The following GPATCH2L variants were observed in gnomAD, a reference collection of about 807,000 sequenced individuals.
GPATCH2L encodes the protein G patch domain-containing protein 2-like.
In GPATCH2L, 31 loss-of-function variants were observed where a neutral mutation model predicts 57.4. That is an observed-to-expected ratio of 0.54 (90% CI 0.41 to 0.73). The LOEUF (loss-of-function observed/expected upper bound fraction) is 0.73, where lower values mean the gene tolerates loss of function less well. GPATCH2L is among the 30% of genes least tolerant of loss of function. The pLI is 0.00. For missense variants in GPATCH2L, 481 were observed against 599.9 expected (o/e 0.80, Z 2.07); for synonymous variants, 199 against 210.7 (o/e 0.94, Z 0.48).
chr14:76,207,281 A>C lies in GPATCH2L; in HGVS notation c.*5430A>C, dbSNP rs1328073379. 1 of 152,136 alleles carries C rather than the reference A, an allele frequency of 6.6e-6. No individual in the cohort carries two copies. 9.4% of individuals were successfully genotyped at this position (152,136 alleles called of 1,614,324 possible). A position where few individuals can be genotyped will look rare whatever the true frequency, so the allele number is the denominator to read the frequency against. ...CAGTGAGCCATGATCTGGCCACTGCACTCCAGCCTGGGTGACAGAGCAAGA... is the reference window on the plus strand; with the variant it reads ...CAGTGAGCCATGATCTGGCCACTGCCCTCCAGCCTGGGTGACAGAGCAAGA... On this transcript the variant is annotated 3_prime_UTR_variant, in exon 10 of 10. Coordinates refer to ENST00000261530, the MANE Select transcript of GPATCH2L (RefSeq NM_017926.4).
intron 1 of GPATCH2L, among the ~76,000 whole-genome samples, chr14:76,220,909 C>A (rs974588288): frequency 1.1e-4 from 16 of 151,800 alleles, no homozygotes; most frequent in Non-Finnish European, 2.4e-4. Context: ...TAAATGACAT[C>A]AAAACTTGCA....
chr14:76,221,013 A>C (rs1286814645), intron 1 of GPATCH2L, among the ~76,000 whole-genome samples: 1 of 152,016 alleles, frequency 6.6e-6, no homozygotes, highest in Non-Finnish European at 1.5e-5. Context: ...AAAGACTAAT[A>C]ATATTGATAA....
In GPATCH2L at chr14:76,204,816, T is replaced by G. The variant is rs185822379; in HGVS notation, c.*2965T>G. ...TGTCTGAATCCTAGTTTAGTGTGTTTTCCACGATGGGCAGAAGTCAGAACA... is the reference window on the plus strand; with the variant it reads ...TGTCTGAATCCTAGTTTAGTGTGTTGTCCACGATGGGCAGAAGTCAGAACA... On this transcript the variant is annotated 3_prime_UTR_variant, in exon 10 of 10. Transcript: ENST00000261530. 1.1e-4 allele frequency: 17 copies of G among 152,354 alleles called. No individual in the cohort carries two copies. The highest frequency in any genetic ancestry group is 4.1e-4 in the African/African-American group (17 of 41,578). The allele number at this position is 152,354 out of a possible 1,614,324, so 9.4% of individuals were successfully genotyped here. A position where few individuals can be genotyped will look rare whatever the true frequency, so the allele number is the denominator to read the frequency against.
At position 76,188,547 on chromosome 14, in the gene GPATCH2L, G is replaced by A. The variant is rs186331958; in HGVS notation, c.1194-7331G>A. Reference sequence around the variant, plus strand: ...TATCTGTTCAAATCTTTTTTGATTGGATTATTAGATTTTTTTTCTACAGGG... The same window carrying A: ...TATCTGTTCAAATCTTTTTTGATTGAATTATTAGATTTTTTTTCTACAGGG... On this transcript the variant is annotated intron_variant, in intron 8 of 9. Transcript: ENST00000261530. Among the ~76,000 whole-genome samples, 218 of 88,234 alleles carry A rather than the reference G, an allele frequency of 2.5e-3. 6 individuals carry two copies. In the East Asian group the frequency reaches 0.063, roughly 26 times the overall value. 57.9% of individuals were successfully genotyped at this position (88,234 alleles called of 152,430 possible). A position where few individuals can be genotyped will look rare whatever the true frequency, so the allele number is the denominator to read the frequency against.
chr14:76,164,901 T>C (rs2038758786), intron 2 of GPATCH2L, among the ~76,000 whole-genome samples: 1 of 152,190 alleles, frequency 6.6e-6, no homozygotes, highest in Non-Finnish European at 1.5e-5. Flanking sequence ...CTGGCTTACC[T>C]AGGGTGCCTC....
intron 1 of GPATCH2L, among the ~76,000 whole-genome samples, chr14:76,229,410 A>G (rs931908814): frequency 6.6e-6 from 1 of 152,152 alleles, no homozygotes; most frequent in African/African-American, 2.4e-5. Context: ...AAACCCAATG[A>G]TTGTCTGAAC....
chr14:76,232,084 G>A (rs912388165), intron 2 of GPATCH2L, among the ~76,000 whole-genome samples: 3 of 11,378 alleles, frequency 2.6e-4, no homozygotes, highest in Admixed American at 3.7e-3. Context: ...GCTAATTTTT[G>A]TATTTTTTGT....
At chr14:76,214,711 G>A (rs1030939758), downstream of GPATCH2L, among the ~76,000 whole-genome samples, 1 of 152,142 alleles carries the variant, frequency 6.6e-6, no homozygotes, top group Non-Finnish European at 1.5e-5. Context: ...CCAACACTTT[G>A]GGGGTTAGGA....
chr14:76,231,974 C>CCTCACTGCAGCCTCACTGCAG (rs2040567536), intron 2 of GPATCH2L, among the ~76,000 whole-genome samples: 1 of 99,932 alleles, frequency 1.0e-5, no homozygotes, highest in Non-Finnish European at 2.2e-5. Context: ...CTCACTGCAG[C>CCTCACTGCAGCCTCACTGCAG]CTCACTGCAG....
Position 76,212,546 on chromosome 14 carries a change from G to A in GPATCH2L, c.*10695G>A, listed in dbSNP as rs1187548836. On this transcript the variant is annotated 3_prime_UTR_variant, in exon 10 of 10. Coordinates refer to ENST00000261530, the MANE Select transcript of GPATCH2L (RefSeq NM_017926.4). ...AGACACAGGAAGAAACAAATACAAT[G>A]TTAGTTGGATATTTTAATTCAATTC... 6.6e-6 allele frequency: 1 copy of A among 152,168 alleles called. No individual in the cohort carries two copies. The highest frequency in any genetic ancestry group is 6.5e-5 in the Admixed American group (1 of 15,270). The allele number at this position is 152,168 out of a possible 1,614,324, so 9.4% of individuals were successfully genotyped here. A position where few individuals can be genotyped will look rare whatever the true frequency, so the allele number is the denominator to read the frequency against.
chr14:76,224,811 G>A (rs1035074794), intron 1 of GPATCH2L, among the ~76,000 whole-genome samples: 10 of 152,112 alleles, frequency 6.6e-5, no homozygotes, highest in East Asian at 3.9e-4. Context: ...CTGGATTCAC[G>A]TTTACTCTAC....
chr14:76,217,216 G>T (rs572964211), downstream of GPATCH2L, among the ~76,000 whole-genome samples: 1 of 152,252 alleles, frequency 6.6e-6, no homozygotes, highest in Non-Finnish European at 1.5e-5. Context: ...GTTTTGTTTT[G>T]TTTTTTCTGC....
In GPATCH2L at chr14:76,171,837, C is replaced by T. The variant is rs2039100136; in HGVS notation, c.728-6C>T. The T allele has an allele frequency of 1.3e-6, 2 of 1,539,516 alleles. No homozygotes were observed. Among genetic ancestry groups the T allele is most frequent in the South Asian group, 1.2e-5 (1 of 80,776 alleles). ...TCTAGCTTATGATATGATGTCTTTA[C>T]TTTAGGTGATGACGAACAGAGTGAT... On this transcript the variant is annotated splice_region_variant and splice_polypyrimidine_tract_variant and intron_variant, in intron 3 of 9. Transcript: ENST00000261530.
chr14:76,177,284 G>T (rs956637002), intron 6 of GPATCH2L, among the ~76,000 whole-genome samples: 1 of 152,116 alleles, frequency 6.6e-6, no homozygotes. Context: ...GGGCTCAAGC[G>T]ATTTGCACAC....
rs2038817204 is a variant in GPATCH2L, at chr14:76,165,988, C to G, written c.663-675C>G. On this transcript the variant is annotated intron_variant, in intron 2 of 9. Coordinates refer to ENST00000261530, the MANE Select transcript of GPATCH2L (RefSeq NM_017926.4). The stretch of plus-strand genomic sequence containing the variant: ...CAGATAAATCAAATTTAGAAGCACA[C>G]CATGAGAAGAAACAAAATCAACTGT... Among the ~76,000 whole-genome samples, 3 of 152,260 alleles carry G rather than the reference C, an allele frequency of 2.0e-5. No individual in the cohort carries two copies. In the East Asian group the frequency reaches 5.8e-4, roughly 29 times the overall value.
intron 1 of GPATCH2L, among the ~76,000 whole-genome samples, chr14:76,229,624 G>C (rs1253664967): frequency 6.6e-6 from 1 of 152,040 alleles, no homozygotes; most frequent in African/African-American, 2.4e-5. Context: ...TGTCAATAAG[G>C]TGGCTCACTT....
At chr14:76,226,225 A>G (rs1478035448) in intron 1 of GPATCH2L, among the ~76,000 whole-genome samples, 7 of 152,246 alleles carry the variant, frequency 4.6e-5, no homozygotes, top group Non-Finnish European at 1.0e-4. Context: ...CAACAGGGTA[A>G]TGAATTCATA....
rs528038180 is a variant in GPATCH2L, at chr14:76,208,357, C to G, written c.*6506C>G. ...CTCAAGTGGCCATGAAAAAAAATCTCACGACCATGCAAACTGATGCCACCC... is the reference window on the plus strand; with the variant it reads ...CTCAAGTGGCCATGAAAAAAAATCTGACGACCATGCAAACTGATGCCACCC... On this transcript the variant is annotated 3_prime_UTR_variant, in exon 10 of 10. Transcript: ENST00000261530. 1.3e-5 allele frequency: 2 copies of G among 152,276 alleles called. No homozygotes were observed. Among genetic ancestry groups the G allele is most frequent in the East Asian group, 3.9e-4 (2 of 5,172 alleles). 9.4% of individuals were successfully genotyped at this position (152,276 alleles called of 1,614,324 possible).
chr14:76,176,499 T>C lies in GPATCH2L; in HGVS notation c.985-124T>C, dbSNP rs572880415. Reference sequence around the variant, plus strand: ...GTATAGTTGCTGTTTTATTTTAAGATTGACTTTTAACATGTGCCTTTTGAG... The same window carrying C: ...GTATAGTTGCTGTTTTATTTTAAGACTGACTTTTAACATGTGCCTTTTGAG... On this transcript the variant is annotated intron_variant, in intron 5 of 9. Transcript: ENST00000261530. The C allele has an allele frequency of 7.6e-5, 52 of 680,214 alleles. No homozygotes were observed. In the African/African-American group the frequency reaches 8.1e-4, roughly 11 times the overall value. 42.1% of individuals were successfully genotyped at this position (680,214 alleles called of 1,614,324 possible). A position where few individuals can be genotyped will look rare whatever the true frequency, so the allele number is the denominator to read the frequency against.
Sources: allele counts gnomAD v4.1 joint callset (sites outside exome capture counted in the v4.1 genomes callset), GRCh38; gene constraint gnomAD v4.1.1; transcripts MANE v1.5; gene names NCBI Gene and HGNC (gene_info 2026-07-23, HGNC 2026-07-21).